HCN1: variants seen among roughly 807,000 people sequenced by gnomAD.
HCN1 encodes the protein hyperpolarization activated cyclic nucleotide gated potassium channel 1, also known as potassium/sodium hyperpolarization-activated cyclic nucleotide-gated channel 1.
In HCN1, 13 loss-of-function variants were observed where a neutral mutation model predicts 78.9. The observed-to-expected ratio is 0.16, with a 90% confidence interval of 0.11 to 0.26. The LOEUF is 0.26. HCN1 is among the 10% of genes least tolerant of loss of function. The pLI, the probability that HCN1 is intolerant of heterozygous loss-of-function variation, is 1.00. For missense variants in HCN1, 810 were observed against 1,154.3 expected, an observed-to-expected ratio of 0.70 and a Z score of 4.32; for synonymous variants, 552 against 455.5, an observed-to-expected ratio of 1.21 and a Z score of -2.70.
intron 4 of HCN1, among the ~76,000 whole-genome samples, chr5:45,394,359 C>T (rs1303540000): frequency 1.3e-5 from 2 of 152,004 alleles, no homozygotes; most frequent in East Asian, 3.9e-4. Context: ...ATTTTGGGTC[C>T]TGCCCAAGAG....
chr5:45,658,476 C>T (rs777360017), intron 1 of HCN1, among the ~76,000 whole-genome samples: 3 of 152,170 alleles, frequency 2.0e-5, no homozygotes, highest in Non-Finnish European at 4.4e-5. Context: ...AGGAACAGCT[C>T]CAGTCTACAG....
chr5:45,330,014 A>G (rs1253110359), intron 5 of HCN1, among the ~76,000 whole-genome samples: 1 of 151,382 alleles, frequency 6.6e-6, no homozygotes, highest in East Asian at 1.9e-4. Flanking sequence ...TTTACTTTGG[A>G]AAAATTTTAG....
rs150451523 is a variant in HCN1 at position 45,335,503 on chromosome 5, T to C, written c.1377+17597A>G. Among the ~76,000 whole-genome samples the C allele has an allele frequency of 5.6e-3, 857 of 152,192 alleles. 6 individuals carry two copies. Among genetic ancestry groups the C allele is most frequent in the Non-Finnish European group, 6.2e-3 (421 of 67,992 alleles). On this transcript the variant is annotated intron_variant, in intron 5 of 7. Transcript: ENST00000303230. ...AAAGCTTACTAGCAGATTGTTTGAA[T>C]ACATTCCAAAAGAAATGGGGCATAT... is the stretch of plus-strand genomic sequence containing the variant.
chr5:45,354,565 T>A (rs1051711125), intron 4 of HCN1, among the ~76,000 whole-genome samples: 4 of 152,080 alleles, frequency 2.6e-5, no homozygotes, highest in Non-Finnish European at 5.9e-5. Flanking sequence ...TAGACCTAGC[T>A]AATGAGAAAC....
intron 5 of HCN1, among the ~76,000 whole-genome samples, chr5:45,338,229 G>A (rs1387020988): frequency 6.6e-6 from 1 of 152,094 alleles, no homozygotes; most frequent in African/African-American, 2.4e-5. Flanking sequence ...AAAGTCATTT[G>A]TATAAGTTTG....
intron 5 of HCN1, among the ~76,000 whole-genome samples, chr5:45,346,188 C>T (rs756539901): frequency 6.6e-6 from 1 of 152,216 alleles, no homozygotes; most frequent in Non-Finnish European, 1.5e-5. Context: ...CACGGGGTCC[C>T]TCCCATGATA....
chr5:45,607,594 T>G lies in HCN1; in HGVS notation c.849+37591A>C, dbSNP rs768477977. 2.5e-4 allele frequency among the ~76,000 whole-genome samples: 37 copies of G among 148,768 alleles called. 1 individual carries two copies. The highest frequency in any genetic ancestry group is 4.5e-4 in the Non-Finnish European group (30 of 67,200). ...CACAATATCATTATATATATATATA[T>G]ATCTATAGATAGATCCAGATATATC... On this transcript the variant is annotated intron_variant, in intron 2 of 7. Coordinates refer to ENST00000303230, the MANE Select transcript of HCN1 (RefSeq NM_021072.4).
intron 4 of HCN1, among the ~76,000 whole-genome samples, chr5:45,380,515 A>G (rs529813335): frequency 6.6e-6 from 1 of 152,278 alleles, no homozygotes; most frequent in East Asian, 1.9e-4. Flanking sequence ...ACTCAGGTTC[A>G]AAACTGCAGA....
intron 5 of HCN1, among the ~76,000 whole-genome samples, chr5:45,335,909 T>C (rs2111958691): frequency 6.6e-6 from 1 of 152,126 alleles, no homozygotes; most frequent in African/African-American, 2.4e-5. Context: ...ATGAGGCTTG[T>C]GGAAGGAGGG....
At chr5:45,538,493 C>T (rs747273839) in intron 2 of HCN1, among the ~76,000 whole-genome samples, 2 of 152,070 alleles carry the variant, frequency 1.3e-5, no homozygotes, top group South Asian at 2.1e-4. Flanking sequence ...AATGCAATTT[C>T]GTGAATCTAA....
At chr5:45,433,604 A>G (rs1740507249) in intron 3 of HCN1, among the ~76,000 whole-genome samples, 2 of 152,128 alleles carry the variant, frequency 1.3e-5, no homozygotes, top group Admixed American at 1.3e-4. Flanking sequence ...ATGCAGATAC[A>G]TTCCTGTCAT....
chr5:45,446,555 C>T (rs1431496381), intron 3 of HCN1, among the ~76,000 whole-genome samples: 1 of 151,662 alleles, frequency 6.6e-6, no homozygotes, highest in Admixed American at 6.6e-5. Context: ...AGATACTCCT[C>T]GAGAAGAGCA....
chr5:45,477,787 G>T (rs1175401053), intron 2 of HCN1, among the ~76,000 whole-genome samples: 1 of 151,798 alleles, frequency 6.6e-6, no homozygotes, highest in African/African-American at 2.4e-5. Flanking sequence ...GAAAAAATAA[G>T]CCAATAAAAG....
intron 5 of HCN1, among the ~76,000 whole-genome samples, chr5:45,308,071 G>C (rs1387255158): frequency 6.6e-6 from 1 of 152,108 alleles, no homozygotes; most frequent in Non-Finnish European, 1.5e-5. Flanking sequence ...TGCTGTCCTT[G>C]AGTTAATGAG....
At chr5:45,319,098 G>T (rs1202725108) in intron 5 of HCN1, among the ~76,000 whole-genome samples, 1 of 151,904 alleles carries the variant, frequency 6.6e-6, no homozygotes, top group Non-Finnish European at 1.5e-5. Context: ...TACTCTTCAT[G>T]ACATTTGGGT....
intron 5 of HCN1, among the ~76,000 whole-genome samples, chr5:45,304,113 A>G (rs943345236): frequency 1.1e-4 from 17 of 152,196 alleles, no homozygotes; most frequent in African/African-American, 4.1e-4. Flanking sequence ...AACTTTTTTA[A>G]CTTCCCATTT....
rs1744704256 is a variant in HCN1 at position 45,260,198 on chromosome 5, T to C, written c.*1723A>G. ...TCCCACATAATGTGTGATCTCTGTA[T>C]GTTCTTAAATGTATTGCCAGTGCCA... is the stretch of plus-strand genomic sequence containing the variant. On this transcript the variant is annotated 3_prime_UTR_variant, in exon 8 of 8. Transcript: ENST00000303230. The C allele has an allele frequency of 6.6e-6, 1 of 152,240 alleles. No homozygotes were observed. Among genetic ancestry groups the C allele is most frequent in the Non-Finnish European group, 1.5e-5 (1 of 68,044 alleles). The allele number at this position is 152,240 out of a possible 1,614,324, so 9.4% of individuals were successfully genotyped here. A position where few individuals can be genotyped will look rare whatever the true frequency, so the allele number is the denominator to read the frequency against.
At chr5:45,370,349 A>T (rs1579845355) in intron 4 of HCN1, among the ~76,000 whole-genome samples, 1 of 152,160 alleles carries the variant, frequency 6.6e-6, no homozygotes, top group East Asian at 1.9e-4. Context: ...CCTTAAAAAT[A>T]ATGTCCCATT....
At chr5:45,350,178 G>A (rs578042293) in intron 5 of HCN1, among the ~76,000 whole-genome samples, 36 of 152,218 alleles carry the variant, frequency 2.4e-4, no homozygotes, top group Non-Finnish European at 1.8e-4. Flanking sequence ...TATCCACCGC[G>A]ATCAAGTGGG....
Sources: allele counts gnomAD v4.1 joint callset (sites outside exome capture counted in the v4.1 genomes callset), GRCh38; gene constraint gnomAD v4.1.1; transcripts MANE v1.5; gene names NCBI Gene and HGNC (gene_info 2026-07-23, HGNC 2026-07-21).